Variants in LPAR1 observed in about 807,000 individuals in gnomAD.
The protein encoded by LPAR1 is lysophosphatidic acid receptor 1, also known as LPA receptor 1.
Under a neutral mutation model 23.8 loss-of-function variants are expected in LPAR1, and 5 were observed. The observed-to-expected ratio is 0.21, with a 90% CI of 0.11 to 0.44. The LOEUF is 0.44. Ranked by LOEUF, LPAR1 falls within the 20% of genes least tolerant of loss-of-function variation. The pLI is 0.99. For missense variants in LPAR1, 311 were observed against 482.8 expected, an observed-to-expected ratio of 0.64 and a Z score of 3.33; for synonymous variants, 160 against 164.7, an observed-to-expected ratio of 0.97 and a Z score of 0.22.
chr9:110,875,953 A>G (rs1306483387), intron 5 of LPAR1, among the ~76,000 whole-genome samples: 1 of 152,212 alleles, frequency 6.6e-6, no homozygotes, highest in Admixed American at 6.5e-5. Flanking sequence ...CAATTATGAG[A>G]CATTGATGAT....
intron 2 of LPAR1, among the ~76,000 whole-genome samples, chr9:110,975,943 A>G (rs576053799): frequency 1.3e-5 from 2 of 152,370 alleles, no homozygotes; most frequent in South Asian, 2.1e-4. Flanking sequence ...GCTAAATGAC[A>G]TAACTTCAAA....
At chr9:110,943,626 A>G (rs1333617598) in intron 4 of LPAR1, among the ~76,000 whole-genome samples, 3 of 152,122 alleles carry the variant, frequency 2.0e-5, no homozygotes, top group Admixed American at 6.6e-5. Flanking sequence ...TTGGGAGGCC[A>G]AAGTGGGTGG....
At chr9:111,026,819 T>G (rs967097993) in intron 2 of LPAR1, among the ~76,000 whole-genome samples, 5 of 152,236 alleles carry the variant, frequency 3.3e-5, no homozygotes, top group African/African-American at 1.2e-4. Context: ...GTTTATGCGA[T>G]GGATTACGTT....
intron 2 of LPAR1, among the ~76,000 whole-genome samples, chr9:111,017,061 C>G (rs1381611474): frequency 1.3e-5 from 2 of 152,146 alleles, no homozygotes; most frequent in Admixed American, 6.6e-5. Context: ...AGTTGTCCCC[C>G]CTGGTTAGTC....
chr9:111,028,792 G>A (rs1177351773), intron 2 of LPAR1, among the ~76,000 whole-genome samples: 2 of 152,070 alleles, frequency 1.3e-5, no homozygotes, highest in Non-Finnish European at 2.9e-5. Context: ...CTTCTGGAAG[G>A]TTTACCTTTT....
chr9:110,885,923 C>T (rs2082238995), intron 5 of LPAR1, among the ~76,000 whole-genome samples: 3 of 152,190 alleles, frequency 2.0e-5, no homozygotes, highest in Admixed American at 6.5e-5. Context: ...TTAGGCTGGG[C>T]GTGGTGGCTC....
intron 2 of LPAR1, among the ~76,000 whole-genome samples, chr9:111,001,954 G>T (rs1404234276): frequency 6.6e-6 from 1 of 151,856 alleles, no homozygotes; most frequent in Non-Finnish European, 1.5e-5. Context: ...TCAATACCCT[G>T]GATAAAAACT....
At chr9:111,021,248 G>A (rs2097554928) in intron 2 of LPAR1, among the ~76,000 whole-genome samples, 1 of 152,122 alleles carries the variant, frequency 6.6e-6, no homozygotes, top group South Asian at 2.1e-4. Context: ...TCATTTCACA[G>A]TATATATGTA....
intron 5 of LPAR1, among the ~76,000 whole-genome samples, chr9:110,940,264 G>A (rs756046867): frequency 6.6e-6 from 1 of 152,174 alleles, no homozygotes; most frequent in Admixed American, 6.6e-5. Flanking sequence ...CAAAACAGAC[G>A]AGACCTATGC....
At chr9:110,877,738 G>A (rs1226768154) in intron 5 of LPAR1, among the ~76,000 whole-genome samples, 2 of 152,048 alleles carry the variant, frequency 1.3e-5, no homozygotes, top group Non-Finnish European at 2.9e-5. Context: ...AGCTCTAATT[G>A]AGTTCAAATT....
chr9:111,023,027 G>A (rs1194245961), intron 2 of LPAR1, among the ~76,000 whole-genome samples: 1 of 142,114 alleles, frequency 7.0e-6, no homozygotes, highest in East Asian at 2.1e-4. Context: ...CTCCAGCCTG[G>A]GTGACACAGC....
chr9:110,924,578 T>C lies in LPAR1; in HGVS notation c.793+16843A>G, dbSNP rs139268436. ...TGGGTGTGGTGGCATGCACCTGCAG[T>C]TCTAGCTACTCAGGAGGCTGAGGCA... On this transcript the variant is annotated intron_variant, in intron 5 of 5. Coordinates refer to ENST00000683809, the MANE Select transcript of LPAR1 (RefSeq NM_001351411.2). Among the ~76,000 whole-genome samples, 321 of 152,198 alleles carry C rather than the reference T, an allele frequency of 2.1e-3. 3 individuals carry two copies. Among genetic ancestry groups the C allele is most frequent in the African/African-American group, 7.1e-3 (295 of 41,520 alleles).
rs1203744531 is a variant in LPAR1 at position 111,024,531 on chromosome 9, AGT to A, written c.-182+11589_-182+11590del. ...AATTATATATATTTATATATATGGG[AGT>A]GTGTGTGTGTGTATATATATACACA... On this transcript the variant is annotated intron_variant, in intron 2 of 5. Transcript: ENST00000683809. 3.6e-3 allele frequency among the ~76,000 whole-genome samples: 511 copies of A among 142,966 alleles called. 1 individual carries two copies. Among genetic ancestry groups the A allele is most frequent in the African/African-American group, 4.5e-3 (172 of 38,622 alleles). The allele number at this position is 142,966 out of a possible 152,430, so 93.8% of individuals were successfully genotyped here.
intron 5 of LPAR1, among the ~76,000 whole-genome samples, chr9:110,886,265 G>A (rs1228179274): frequency 6.8e-6 from 1 of 148,138 alleles, no homozygotes; most frequent in Non-Finnish European, 1.5e-5. Context: ...TCAGGAGGCT[G>A]AGGCAGAAGA....
chr9:110,914,688 A>C (rs2092874990), intron 5 of LPAR1, among the ~76,000 whole-genome samples: 1 of 152,220 alleles, frequency 6.6e-6, no homozygotes, highest in South Asian at 2.1e-4. Context: ...AGGAAGGCAG[A>C]ATGCTGATAC....
chr9:110,936,025 A>C (rs1411301870), intron 5 of LPAR1, among the ~76,000 whole-genome samples: 2 of 152,190 alleles, frequency 1.3e-5, no homozygotes, highest in Non-Finnish European at 2.9e-5. Flanking sequence ...CCAATGCTAC[A>C]GTGAGGCAAG....
chr9:110,974,336 A>C (rs1189807782), intron 2 of LPAR1, among the ~76,000 whole-genome samples: 1 of 152,232 alleles, frequency 6.6e-6, no homozygotes, highest in African/African-American at 2.4e-5. Flanking sequence ...CAAGTCTTGC[A>C]CAGCAGGAAC....
In LPAR1 at chr9:110,941,344, C is replaced by A. The variant is rs1169702831; in HGVS notation, c.793+77G>T. The stretch of plus-strand genomic sequence containing the variant: ...TGGTGAATATTCATACTGTTGGTTA[C>A]CTCTGACATAAAATAATGTGGTTTA... On this transcript the variant is annotated intron_variant, in intron 5 of 5. Transcript: ENST00000683809. This position sits in a 1 kb window ranked among gnomAD's most constrained non-coding sequence, Gnocchi z 6.1. 3 of 1,327,766 alleles carry A rather than the reference C, an allele frequency of 2.3e-6. No homozygotes were observed. Among genetic ancestry groups the A allele is most frequent in the Non-Finnish European group, 2.1e-6 (2 of 969,076 alleles). The allele number at this position is 1,327,766 out of a possible 1,614,324, so 82.2% of individuals were successfully genotyped here. A position where few individuals can be genotyped will look rare whatever the true frequency, so the allele number is the denominator to read the frequency against.
chr9:110,977,834 GGGAAGGAAGGAGGGAA>G lies in LPAR1; in HGVS notation c.-181-4292_-181-4277del, dbSNP rs1564227802. On this transcript the variant is annotated intron_variant, in intron 2 of 5. Transcript: ENST00000683809. ...AGGGAGGGAGGGCGGGAGGGAGGGA[GGGAAGGAAGGAGGGAA>G]GGAAGGAAGGAAGGAAGGAAGGAAG... Among the ~76,000 whole-genome samples the G allele has an allele frequency of 4.2e-3, 451 of 108,570 alleles. 4 individuals are homozygous for G. Among genetic ancestry groups the G allele is most frequent in the Non-Finnish European group, 6.6e-3 (369 of 55,890 alleles). The allele number at this position is 108,570 out of a possible 152,430, so 71.2% of individuals were successfully genotyped here. A position where few individuals can be genotyped will look rare whatever the true frequency, so the allele number is the denominator to read the frequency against.
Sources: allele counts gnomAD v4.1 joint callset (sites outside exome capture counted in the v4.1 genomes callset), GRCh38; gene constraint gnomAD v4.1.1; non-coding constraint Gnocchi (gnomAD v3.1); transcripts MANE v1.5; gene names NCBI Gene and HGNC (gene_info 2026-07-23, HGNC 2026-07-21).